THSD4: variants seen among roughly 807,000 people sequenced by gnomAD.
THSD4 encodes the protein thrombospondin type 1 domain containing 4, also known as thrombospondin type-1 domain-containing protein 4.
In THSD4, 69 loss-of-function variants were observed where a neutral mutation model predicts 119.0. That is an observed-to-expected ratio of 0.58 (90% CI 0.48 to 0.71). The LOEUF (loss-of-function observed/expected upper bound fraction) is 0.71, where lower values mean the gene tolerates loss of function less well. Ranked by LOEUF, THSD4 falls within the 30% of genes least tolerant of loss-of-function variation. THSD4 has a pLI of 0.00. For synonymous variants in THSD4, 524 were observed against 540.4 expected (o/e 0.97, Z 0.42); for missense variants, 1,393 against 1,391.1 (o/e 1.00, Z -0.02).
chr15:71,563,325 AG>A (rs1338694003), intron 7 of THSD4, among the ~76,000 whole-genome samples: 1 of 152,174 alleles, frequency 6.6e-6, no homozygotes, highest in Non-Finnish European at 1.5e-5. Context: ...CGGATAGTAA[AG>A]ACTCTGTTAG....
At chr15:71,611,357 A>C (rs1360905584) in intron 7 of THSD4, among the ~76,000 whole-genome samples, 1 of 152,162 alleles carries the variant, frequency 6.6e-6, no homozygotes, top group Non-Finnish European at 1.5e-5. Flanking sequence ...TTCCTTCTAG[A>C]AAGAGATGAA....
At chr15:71,465,953 G>A (rs1423607994) in intron 7 of THSD4, among the ~76,000 whole-genome samples, 2 of 152,160 alleles carry the variant, frequency 1.3e-5, no homozygotes, top group East Asian at 1.9e-4. Context: ...AAATTGATGT[G>A]GAGAAGAGGA....
At chr15:71,598,158 C>T (rs1308278650) in intron 7 of THSD4, among the ~76,000 whole-genome samples, 1 of 151,998 alleles carries the variant, frequency 6.6e-6, no homozygotes, top group Non-Finnish European at 1.5e-5. Flanking sequence ...AAGGCTTCGC[C>T]GAGCCAGTTT....
At chr15:71,432,420 A>G (rs2046954718) in intron 7 of THSD4, among the ~76,000 whole-genome samples, 1 of 152,210 alleles carries the variant, frequency 6.6e-6, no homozygotes, top group South Asian at 2.1e-4. Flanking sequence ...TCAAAAAGCT[A>G]AAACCTTTAC....
intron 2 of THSD4, among the ~76,000 whole-genome samples, chr15:71,145,348 G>C (rs1361668057): frequency 6.6e-6 from 1 of 152,184 alleles, no homozygotes; most frequent in Non-Finnish European, 1.5e-5. Context: ...CAGATGTAAT[G>C]AGAGTGATTA....
intron 17 of THSD4, among the ~76,000 whole-genome samples, chr15:71,774,821 G>T (rs2053885542): frequency 6.6e-6 from 1 of 151,772 alleles, no homozygotes; most frequent in Non-Finnish European, 1.5e-5. Flanking sequence ...TAGAATTAAT[G>T]AATGAACCGT....
At chr15:71,702,379 G>C (rs772569217) in intron 8 of THSD4, among the ~76,000 whole-genome samples, 2 of 152,140 alleles carry the variant, frequency 1.3e-5, no homozygotes, top group Non-Finnish European at 2.9e-5. Flanking sequence ...TTCACTTAAA[G>C]AGTCCTTGGA....
chr15:71,270,029 A>T (rs1039866139), intron 6 of THSD4, among the ~76,000 whole-genome samples: 4 of 152,176 alleles, frequency 2.6e-5, no homozygotes, highest in African/African-American at 4.8e-5. Context: ...TACTGCCCAA[A>T]GTGATTTATA....
Position 71,242,986 on chromosome 15 carries a change from A to C in THSD4, c.802A>C (p.Asn268His). The C allele has an allele frequency of 6.2e-7, 1 of 1,614,164 alleles. No individual in the cohort carries two copies. Among genetic ancestry groups the C allele is most frequent in the Non-Finnish European group, 8.5e-7 (1 of 1,180,034 alleles). The change falls in exon 5 of 18, where the codon AAC becomes CAC. Residue 268 changes from asparagine to histidine, a missense_variant. By Grantham distance (68) the Asn-to-His change is moderately conservative (BLOSUM62 1). Transcript: ENST00000261862. ...SLFHSPETSN[N>H]HGVGTHGATQ... ...CTTTCACAGCCCAGAAACAAGCAAC[A>C]ACCACGGTGTGGGGACCCATGGGGC...
chr15:71,199,473 G>T (rs1324889906), intron 3 of THSD4, among the ~76,000 whole-genome samples: 4 of 141,244 alleles, frequency 2.8e-5, no homozygotes, highest in African/African-American at 1.1e-4. Context: ...GTGTGTGTGT[G>T]GTGTGTGTGT....
intron 10 of THSD4, among the ~76,000 whole-genome samples, chr15:71,736,087 GTCTCTCTCTTGCTC>G (rs2053094425): frequency 7.9e-6 from 1 of 127,232 alleles, no homozygotes. Flanking sequence ...CTTGCTCTCT[GTCTCTCTCTTGCTC>G]TCTGTCTCTC....
rs779207517 is a variant in THSD4, at chr15:71,277,128, C to CT, written c.1015+20427dup. Among the ~76,000 whole-genome samples, 245 of 122,992 alleles carry CT rather than the reference C, an allele frequency of 2.0e-3. 7 individuals carry two copies. The highest frequency in any genetic ancestry group is 9.2e-3 in the South Asian group (37 of 4,006). The allele number at this position is 122,992 out of a possible 152,430, so 80.7% of individuals were successfully genotyped here. ...TATTTGTATTTGAATTCTTCTTCTT[C>CT]TTTTTTTTTTTTTTGAAACGGAGTT... On this transcript the variant is annotated intron_variant, in intron 6 of 17. Coordinates refer to ENST00000261862, the MANE Select transcript of THSD4 (RefSeq NM_024817.3).
At chr15:71,107,943 T>C (rs1447298289) in intron 1 of THSD4, among the ~76,000 whole-genome samples, 1 of 152,218 alleles carries the variant, frequency 6.6e-6, no homozygotes, top group East Asian at 1.9e-4. Context: ...CCAGCTGCTA[T>C]TATTTTTTCC....
intron 8 of THSD4, among the ~76,000 whole-genome samples, chr15:71,698,818 A>G (rs973300376): frequency 6.6e-6 from 1 of 152,026 alleles, no homozygotes; most frequent in African/African-American, 2.4e-5. Flanking sequence ...AGCCAGGCAC[A>G]GAAAGATGAA....
In THSD4 at chr15:71,344,244, C is replaced by T. The variant is rs560841338; in HGVS notation, c.1016-67443C>T. Among the ~76,000 whole-genome samples, 29 of 151,956 alleles carry T rather than the reference C, an allele frequency of 1.9e-4. 1 individual carries two copies. The East Asian group carries it at 5.1e-3, about 27-fold the overall frequency. On this transcript the variant is annotated intron_variant, in intron 6 of 17. Transcript: ENST00000261862. Reference sequence around the variant, plus strand: ...ATTTTTAATAGAGACGGGGTTTCACCGTGTTAGTCAGTATGGTCTCGATCT... The same window carrying T: ...ATTTTTAATAGAGACGGGGTTTCACTGTGTTAGTCAGTATGGTCTCGATCT...
intron 5 of THSD4, 69 bp downstream of exon 5, chr15:71,243,165 G>A: frequency 6.7e-7 from 1 of 1,485,476 alleles, no homozygotes; most frequent in Non-Finnish European, 9.1e-7. Flanking sequence ...TTGGCACTAA[G>A]CATGATGAAG....
intron 7 of THSD4, among the ~76,000 whole-genome samples, chr15:71,541,379 A>C (rs747418083): frequency 6.6e-6 from 1 of 152,246 alleles, no homozygotes; most frequent in Non-Finnish European, 1.5e-5. Context: ...AAGTGGCTGC[A>C]GTATGAGACA....
At position 71,777,688 on chromosome 15, in the gene THSD4, T is replaced by C; in HGVS notation, c.*314T>C. 3.0e-6 allele frequency: 1 copy of C among 338,412 alleles called. No homozygotes were observed. The highest frequency in any genetic ancestry group is 3.8e-5 in the South Asian group (1 of 26,594). 21.0% of individuals were successfully genotyped at this position (338,412 alleles called of 1,614,324 possible). A position where few individuals can be genotyped will look rare whatever the true frequency, so the allele number is the denominator to read the frequency against. ...CATGGAGCTCTCAGCCCTGCTCCCA[T>C]CTGGCACCTTCAAGTCAGCAGATGG... On this transcript the variant is annotated 3_prime_UTR_variant, in exon 18 of 18. Transcript: ENST00000261862.
At chr15:71,555,845 G>A (rs1171165337) in intron 7 of THSD4, among the ~76,000 whole-genome samples, 2 of 152,028 alleles carry the variant, frequency 1.3e-5, no homozygotes, top group Non-Finnish European at 2.9e-5. Flanking sequence ...TTTCATTAAG[G>A]GATCTAATTT....
Sources: gnomAD v4.1 joint callset for allele counts (sites outside exome capture counted in the v4.1 genomes callset) on GRCh38, gnomAD v4.1.1 for gene constraint, MANE v1.5 for transcripts, NCBI Gene and HGNC (gene_info 2026-07-23, HGNC 2026-07-21) for gene names.